Variants in SOX6 observed in about 807,000 individuals in gnomAD.
SOX6 encodes transcription factor SOX-6.
SOX6 carries 11 observed loss-of-function variants against 97.8 expected under a neutral mutation model. That is an observed-to-expected ratio of 0.11 (90% CI 0.07 to 0.19). SOX6 has a LOEUF of 0.19. Among genes scored for constraint, SOX6 ranks in the 10% least tolerant of loss-of-function variants. The probability of loss-of-function intolerance (pLI) is 1.00; values close to 1 mark genes in which losing one functional copy is unlikely to be tolerated. For synonymous variants in SOX6, 360 were observed against 371.4 expected (o/e 0.97, Z 0.35); for missense variants, 810 against 1,039.5 (o/e 0.78, Z 3.04).
rs750229887 is a variant in SOX6 at position 16,318,586 on chromosome 11, G to A, written c.305C>T (p.Pro102Leu). 1 of 1,613,482 alleles carries A rather than the reference G, an allele frequency of 6.2e-7. No homozygotes were observed. Among genetic ancestry groups the A allele is most frequent in the Admixed American group, 1.7e-5 (1 of 59,912 alleles). ...FRNTSTSPHKPDEGSRDREIM... is the reference protein window; with the variant it reads ...FRNTSTSPHKLDEGSRDREIM... The stretch of plus-strand genomic sequence containing the variant: ...CTCACGGTCCCGACTCCCTTCGTCA[G>A]GCTTATGTGGTGAGGTAGAGGTATT... The change falls in exon 3 of 16, where the codon CCT (proline) becomes CTT (leucine). Residue 102 changes from proline (P) to leucine (L), a missense_variant. This residue lies in a region of SOX6 where 46 missense variants were observed against 84.1 expected (regional missense o/e 0.55). Transcript: ENST00000683767.
At chr11:16,521,149 G>A (rs537374530) in intron 4 of SOX6, among the ~76,000 whole-genome samples, 1 of 152,294 alleles carries the variant, frequency 6.6e-6, no homozygotes, top group East Asian at 1.9e-4. Flanking sequence ...GCATGCAGCT[G>A]GAGATCTGAG....
intron 4 of SOX6, among the ~76,000 whole-genome samples, chr11:16,218,264 G>A (rs1253039509): frequency 6.6e-6 from 1 of 151,962 alleles, no homozygotes; most frequent in Admixed American, 6.6e-5. Flanking sequence ...TTTATTGCTA[G>A]ATTAAAATGT....
At chr11:16,429,280 A>G (rs1859222307) in intron 1 of SOX6, among the ~76,000 whole-genome samples, 1 of 152,172 alleles carries the variant, frequency 6.6e-6, no homozygotes, top group Non-Finnish European at 1.5e-5. Flanking sequence ...TTCCTCAAAG[A>G]CCTAAAGACA....
intron 6 of SOX6, among the ~76,000 whole-genome samples, chr11:16,119,975 C>T (rs942056608): frequency 1.3e-5 from 2 of 152,158 alleles, no homozygotes; most frequent in African/African-American, 4.8e-5. Flanking sequence ...AGAGTCCATT[C>T]TTCCCAGGTG....
At position 16,377,030 on chromosome 11, in the gene SOX6, TA is replaced by T. The variant is rs35938408; in HGVS notation, c.-4-35779del. On this transcript the variant is annotated intron_variant, in intron 1 of 15. Transcript: ENST00000396356. ...CAACCTACAAAGGAATTCTTTTATT[TA>T]AAAAAAAAAAGTCAAGTTGTTAGTT... Among the ~76,000 whole-genome samples the T allele has an allele frequency of 1.0e-2, 1,462 of 146,830 alleles. 19 individuals carry two copies. Among genetic ancestry groups the T allele is most frequent in the African/African-American group, 0.03 (1,217 of 40,390 alleles).
intron 9 of SOX6, among the ~76,000 whole-genome samples, chr11:16,056,358 C>T (rs780561285): frequency 2.0e-5 from 3 of 152,242 alleles, no homozygotes; most frequent in Non-Finnish European, 2.9e-5. Flanking sequence ...TTATTTAGCT[C>T]TGACTCTGCA....
At chr11:16,402,680 C>T in intron 1 of SOX6, 2 of 1,610,996 alleles carry the variant, frequency 1.2e-6, no homozygotes, top group Middle Eastern at 1.7e-4. Context: ...TCTTTCCTTC[C>T]TCCACCCACT....
chr11:16,322,863 T>A (rs1855968382), intron 2 of SOX6, among the ~76,000 whole-genome samples: 1 of 152,196 alleles, frequency 6.6e-6, no homozygotes, highest in Admixed American at 6.6e-5. Context: ...GTGTAAAAAA[T>A]TTTTAAAGCT....
At chr11:16,323,978 T>C (rs930966301) in intron 2 of SOX6, among the ~76,000 whole-genome samples, 1 of 151,248 alleles carries the variant, frequency 6.6e-6, no homozygotes, top group African/African-American at 2.4e-5. Context: ...AGCCAAGGAG[T>C]TTGAGACCAG....
At chr11:16,379,408 G>A (rs551283198) in intron 1 of SOX6, among the ~76,000 whole-genome samples, 76 of 152,168 alleles carry the variant, frequency 5.0e-4, no homozygotes, top group African/African-American at 1.7e-3. Context: ...AGAGGTTGTG[G>A]TGAGCCGAGA....
intron 4 of SOX6, among the ~76,000 whole-genome samples, chr11:16,196,929 G>C (rs768155948): frequency 1.3e-5 from 2 of 149,422 alleles, no homozygotes; most frequent in Admixed American, 6.7e-5. Flanking sequence ...CACCTCCTGG[G>C]TTCAAGTGAT....
intron 6 of SOX6, among the ~76,000 whole-genome samples, chr11:16,157,923 C>A (rs182652123): frequency 6.6e-6 from 1 of 152,092 alleles, no homozygotes; most frequent in South Asian, 2.1e-4. Flanking sequence ...CTCCCTTACT[C>A]TATCAATTGG....
intron 6 of SOX6, among the ~76,000 whole-genome samples, chr11:16,154,658 C>CAA (rs369413427): frequency 6.7e-6 from 1 of 149,868 alleles, no homozygotes. Flanking sequence ...TATTTGCTTA[C>CAA]AAAAAAAAAT....
chr11:16,600,648 T>C (rs1848257536), intron 4 of SOX6, among the ~76,000 whole-genome samples: 1 of 152,188 alleles, frequency 6.6e-6, no homozygotes. Flanking sequence ...ATTGAAAAGC[T>C]CTATCAAAAC....
At chr11:16,324,437 C>T (rs560067675) in intron 2 of SOX6, among the ~76,000 whole-genome samples, 3 of 152,070 alleles carry the variant, frequency 2.0e-5, no homozygotes, top group East Asian at 3.9e-4. Context: ...TATTTGAGGG[C>T]ATTATGATTT....
intron 4 of SOX6, among the ~76,000 whole-genome samples, chr11:16,511,613 C>T (rs1366903616): frequency 6.6e-6 from 1 of 151,938 alleles, no homozygotes; most frequent in Non-Finnish European, 1.5e-5. Flanking sequence ...TTGCATCCAC[C>T]CACTGAATTC....
rs1854927702 is a variant in SOX6 at position 16,017,615 on chromosome 11, T to C, written c.1624-2565A>G. Among the ~76,000 whole-genome samples, 3 of 152,092 alleles carry C rather than the reference T, an allele frequency of 2.0e-5. No individual in the cohort carries two copies. In the South Asian group the frequency reaches 6.2e-4, roughly 31 times the overall value. ...TGTCTACAAGTTACGTCTGGGCAGCTGAGCTAAGCAAAGATTTTACCAGTG... is the reference window on the plus strand; with the variant it reads ...TGTCTACAAGTTACGTCTGGGCAGCCGAGCTAAGCAAAGATTTTACCAGTG... On this transcript the variant is annotated intron_variant, in intron 12 of 15. Coordinates refer to ENST00000683767, the MANE Select transcript of SOX6 (RefSeq NM_001367873.1).
intron 4 of SOX6, among the ~76,000 whole-genome samples, chr11:16,485,142 C>T (rs1288514385): frequency 6.6e-6 from 1 of 152,142 alleles, no homozygotes; most frequent in African/African-American, 2.4e-5. Context: ...ACATGTGTAA[C>T]TGAATTGTAA....
rs182683426 is a variant in SOX6, at chr11:16,446,374, G to C, written c.-5+29941C>G. Among the ~76,000 whole-genome samples the C allele has an allele frequency of 5.9e-5, 9 of 152,084 alleles. No individual in the cohort carries two copies. The East Asian group carries it at 1.7e-3, about 29-fold the overall frequency. ...CAGGGTTTGGAGAGAGGGAAAAAGAGATCATAAAAGCCAACTGCACCCGTT... is the reference window on the plus strand; with the variant it reads ...CAGGGTTTGGAGAGAGGGAAAAAGACATCATAAAAGCCAACTGCACCCGTT... On this transcript the variant is annotated intron_variant, in intron 1 of 15. Transcript: ENST00000396356.
Sources: allele counts gnomAD v4.1 joint callset (sites outside exome capture counted in the v4.1 genomes callset), GRCh38; gene constraint gnomAD v4.1.1; regional missense constraint gnomAD v4.1.1; transcripts MANE v1.5; gene names NCBI Gene and HGNC (gene_info 2026-07-23, HGNC 2026-07-21).